The following RHOU variants were observed in gnomAD, a reference collection of about 807,000 sequenced individuals.
The protein encoded by RHOU is rho-related GTP-binding protein RhoU.
RHOU carries 8 observed loss-of-function variants against 12.6 expected under a neutral mutation model. The ratio of observed to expected loss-of-function variants is 0.64; its 90% CI spans 0.37 to 1.15. The LOEUF is 1.15. RHOU is among the 50% of genes most tolerant of loss of function. The pLI is 0.01. For missense variants in RHOU, 258 were observed against 347.0 expected, an observed-to-expected ratio of 0.74 and a Z score of 2.04; for synonymous variants, 161 against 147.4, an observed-to-expected ratio of 1.09 and a Z score of -0.67.
the RHOU span, among the ~76,000 whole-genome samples, chr1:228,666,185 C>G: frequency 6.6e-6 from 1 of 152,110 alleles, no homozygotes; most frequent in Admixed American, 6.5e-5. Context: ...GTATCGAACT[C>G]CTGACTTCAA....
chr1:228,648,712 CT>C, the RHOU span, among the ~76,000 whole-genome samples: 351 of 151,988 alleles, frequency 2.3e-3, 3 homozygotes, highest in Middle Eastern at 0.024. Context: ...TTTACTTTTT[CT>C]TTTTTTTAAA....
chr1:228,664,194 G>T, the RHOU span, among the ~76,000 whole-genome samples: 2 of 150,010 alleles, frequency 1.3e-5, no homozygotes, highest in African/African-American at 4.9e-5. Context: ...ATTTTTTGTA[G>T]TTTTTGTAGA....
the RHOU span, among the ~76,000 whole-genome samples, chr1:228,712,592 T>A: frequency 1.1e-4 from 15 of 140,802 alleles, no homozygotes; most frequent in South Asian, 3.3e-3. Context: ...TTCTCACTCA[T>A]GGGTGGGAGT....
At chr1:228,686,802 G>A in the RHOU span, among the ~76,000 whole-genome samples, 280 of 152,090 alleles carry the variant, frequency 1.8e-3, 2 homozygotes, top group Middle Eastern at 0.024. Context: ...GTGCAGTGGC[G>A]TGATCTTGGC....
chr1:228,730,997 A>G (rs1383025012), upstream of RHOU, among the ~76,000 whole-genome samples: 1 of 152,234 alleles, frequency 6.6e-6, no homozygotes, highest in African/African-American at 2.4e-5. Context: ...TGGAAAGTCT[A>G]TTAGGACCTT....
chr1:228,708,321 C>A, the RHOU span, among the ~76,000 whole-genome samples: 3 of 151,798 alleles, frequency 2.0e-5, no homozygotes, highest in Non-Finnish European at 4.4e-5. Flanking sequence ...CACAAAGATA[C>A]TCCTCGAGAA....
At chr1:228,705,263 G>C in the RHOU span, among the ~76,000 whole-genome samples, 2 of 152,078 alleles carry the variant, frequency 1.3e-5, no homozygotes, top group African/African-American at 2.4e-5. Context: ...ACATTTAAAA[G>C]TACAGTATTA....
the RHOU span, among the ~76,000 whole-genome samples, chr1:228,681,616 C>A: frequency 6.6e-6 from 1 of 152,014 alleles, no homozygotes; most frequent in Admixed American, 6.6e-5. Context: ...GTATCTAGGT[C>A]TCGTGGGATG....
chr1:228,699,496 T>C, the RHOU span, among the ~76,000 whole-genome samples: 9 of 130,902 alleles, frequency 6.9e-5, no homozygotes, highest in East Asian at 2.2e-4. Context: ...TTTAGTCATA[T>C]AGAGTTTAGG....
chr1:228,687,398 AC>A, the RHOU span: 1 of 1,022,642 alleles, frequency 9.8e-7, no homozygotes, highest in Non-Finnish European at 1.5e-6. Flanking sequence ...GGTAAAGGAA[AC>A]CCCAACATGC....
chr1:228,686,537 C>G, the RHOU span, among the ~76,000 whole-genome samples: 22,609 of 152,192 alleles, frequency 0.15, 2,090 homozygotes, highest in South Asian at 0.25. Flanking sequence ...TAGAGGAATA[C>G]TCTCCTACAC....
At chr1:228,707,184 TATATATATATAC>T in the RHOU span, among the ~76,000 whole-genome samples, 41 of 86,234 alleles carry the variant, frequency 4.8e-4, 1 homozygote, top group Middle Eastern at 5.8e-3. Flanking sequence ...ATTAACAAAA[TATATATATATAC>T]ATATATATAC....
chr1:228,701,936 A>AGTCTAAAAAGTAATTCTGAACTGT, the RHOU span, among the ~76,000 whole-genome samples: 1 of 151,918 alleles, frequency 6.6e-6, no homozygotes, highest in Admixed American at 6.6e-5. Flanking sequence ...TTTCAGTAAA[A>AGTCTAAAAAGTAATTCTGAACTGT]GTCTAAAAAG....
the RHOU span, among the ~76,000 whole-genome samples, chr1:228,713,631 C>A: frequency 1.3e-5 from 2 of 152,068 alleles, no homozygotes; most frequent in Admixed American, 1.3e-4. Context: ...CCACGCCCAG[C>A]CTGTAATATT....
the RHOU span, among the ~76,000 whole-genome samples, chr1:228,682,967 G>T: frequency 5.5e-3 from 833 of 152,220 alleles, 8 homozygotes; most frequent in African/African-American, 0.019. Flanking sequence ...TTTTCTCAAA[G>T]GCAAAAGGCA....
the RHOU span, among the ~76,000 whole-genome samples, chr1:228,707,121 T>C: frequency 2.3e-5 from 2 of 85,898 alleles, no homozygotes; most frequent in African/African-American, 2.3e-4. Flanking sequence ...TATATATATA[T>C]ATATACATAT....
At chr1:228,729,234 A>T in the RHOU span, among the ~76,000 whole-genome samples, 1 of 152,102 alleles carries the variant, frequency 6.6e-6, no homozygotes, top group African/African-American at 2.4e-5. Flanking sequence ...ATCAAATAAG[A>T]TAGTTTATAC....
In RHOU at chr1:228,739,641, A is replaced by C. The variant is rs1662682490; in HGVS notation, c.321+1910A>C. On this transcript the variant is annotated intron_variant, in intron 2 of 2. Coordinates refer to ENST00000366691, the MANE Select transcript of RHOU (RefSeq NM_021205.6). ...CTGCTGAAGTCAGACCCTGAGGATA[A>C]GATGGAAGTCAGGAAAATACAGGAA... Among the ~76,000 whole-genome samples the C allele has an allele frequency of 2.0e-5, 3 of 152,252 alleles. No homozygotes were observed. In the South Asian group the frequency reaches 6.2e-4, roughly 31 times the overall value.
chr1:228,663,520 GAA>G, the RHOU span, among the ~76,000 whole-genome samples: 1 of 148,826 alleles, frequency 6.7e-6, no homozygotes, highest in Admixed American at 6.7e-5. Flanking sequence ...GAAGAAAAAA[GAA>G]AAGTTAAAAA....
Sources: allele counts gnomAD v4.1 joint callset (sites outside exome capture counted in the v4.1 genomes callset), GRCh38; gene constraint gnomAD v4.1.1; transcripts MANE v1.5; gene names NCBI Gene and HGNC (gene_info 2026-07-23, HGNC 2026-07-21).